Variants in C8A observed in about 807,000 individuals in gnomAD.
C8A encodes complement C8 alpha chain.
In C8A, 67 loss-of-function variants were observed where a neutral mutation model predicts 65.3. The ratio of observed to expected loss-of-function variants is 1.03; its 90% CI spans 0.84 to 1.26. The LOEUF (loss-of-function observed/expected upper bound fraction) is 1.26, where lower values mean the gene tolerates loss of function less well. Ranked by LOEUF, C8A falls within the 50% of genes most tolerant of loss-of-function variation. The pLI, the probability that C8A is intolerant of heterozygous loss-of-function variation, is 0.00. For synonymous variants in C8A, 290 were observed against 259.4 expected, an observed-to-expected ratio of 1.12 and a Z score of -1.13; for missense variants, 781 against 723.9, an observed-to-expected ratio of 1.08 and a Z score of -0.90.
chr1:56,891,856 A>C (rs12733495), intron 7 of C8A, among the ~76,000 whole-genome samples: 2 of 152,116 alleles, frequency 1.3e-5, no homozygotes, highest in African/African-American at 4.8e-5. Flanking sequence ...AGGGACTCTA[A>C]ATATACATAC....
At chr1:56,917,500 C>T in intron 10 of C8A, 65 bp from the exon 11 acceptor site, 1 of 1,570,398 alleles carries the variant, frequency 6.4e-7, no homozygotes, top group Non-Finnish European at 8.8e-7. Flanking sequence ...CTGTTCATCA[C>T]CAGACAGGCC....
At chr1:56,906,091 C>T (rs564643321) in intron 7 of C8A, among the ~76,000 whole-genome samples, 3 of 152,236 alleles carry the variant, frequency 2.0e-5, no homozygotes, top group African/African-American at 4.8e-5. Context: ...ACTTTGGCCT[C>T]TCTGGGGCGC....
At chr1:56,896,360 C>G (rs1252316740) in intron 7 of C8A, among the ~76,000 whole-genome samples, 1 of 152,142 alleles carries the variant, frequency 6.6e-6, no homozygotes, top group African/African-American at 2.4e-5. Flanking sequence ...TCTGAAGGCC[C>G]GAGAACCTGG....
At chr1:56,856,813 T>G (rs1468650040) in intron 1 of C8A, among the ~76,000 whole-genome samples, 1 of 152,040 alleles carries the variant, frequency 6.6e-6, no homozygotes, top group African/African-American at 2.4e-5. Context: ...CAAATTTATT[T>G]TATAAGTTCA....
chr1:56,909,019 T>G (rs981200030), intron 9 of C8A, among the ~76,000 whole-genome samples: 1 of 152,162 alleles, frequency 6.6e-6, no homozygotes, highest in African/African-American at 2.4e-5. Flanking sequence ...CTGCTAAACA[T>G]CCTTCCATGC....
chr1:56,886,186 C>T lies in C8A; in HGVS notation c.1096+19C>T. The T allele has an allele frequency of 1.2e-6, 2 of 1,613,400 alleles. No individual in the cohort carries two copies. Among genetic ancestry groups the T allele is most frequent in the Non-Finnish European group, 8.5e-7 (1 of 1,179,862 alleles). On this transcript the variant is annotated intron_variant, in intron 7 of 10. Coordinates refer to ENST00000361249, the MANE Select transcript of C8A (RefSeq NM_000562.3). ...TCCCTTGGTAAGTAAAGCAGAAGCT[C>T]TATGTACACAGTAGTCAACACAGAC... is the stretch of plus-strand genomic sequence containing the variant.
chr1:56,885,912 G>T lies in C8A; in HGVS notation c.856-15G>T. Reference sequence around the variant, plus strand: ...TCTTTGTTCTTTTGCTTTATTCAATGGCGGTTGCTGGCAGAAATTCATTTT... The same window carrying T: ...TCTTTGTTCTTTTGCTTTATTCAATTGCGGTTGCTGGCAGAAATTCATTTT... On this transcript the variant is annotated splice_polypyrimidine_tract_variant and intron_variant, in intron 6 of 10. Transcript: ENST00000361249. 1 of 1,613,738 alleles carries T rather than the reference G, an allele frequency of 6.2e-7. No homozygotes were observed. Among genetic ancestry groups the T allele is most frequent in the South Asian group, 1.1e-5 (1 of 91,022 alleles).
At chr1:56,882,309 A>G (rs1419995362) in intron 5 of C8A, among the ~76,000 whole-genome samples, 1 of 152,126 alleles carries the variant, frequency 6.6e-6, no homozygotes, top group Non-Finnish European at 1.5e-5. Context: ...ACATCATTGA[A>G]TGCTTAACAT....
chr1:56,915,745 C>T (rs1202746008), intron 10 of C8A, among the ~76,000 whole-genome samples: 2 of 152,128 alleles, frequency 1.3e-5, no homozygotes, highest in Non-Finnish European at 2.9e-5. Context: ...TCAAGGTCAC[C>T]TAGCTGGGGA....
intron 6 of C8A, 99 bp from the exon 7 acceptor site, chr1:56,885,828 G>A: frequency 6.5e-7 from 1 of 1,529,684 alleles, no homozygotes; most frequent in Non-Finnish European, 9.0e-7. Flanking sequence ...GGGATTACAG[G>A]CATGAGCCAC....
chr1:56,885,890 TTG>T, intron 6 of C8A, 35 bp from the exon 7 acceptor site: 1 of 1,613,326 alleles, frequency 6.2e-7, no homozygotes, highest in African/African-American at 1.3e-5. Flanking sequence ...TATGCTCTCT[TTG>T]TTCTTTTGCT....
At chr1:56,878,257 T>A (rs1021577877) in intron 4 of C8A, among the ~76,000 whole-genome samples, 1 of 152,150 alleles carries the variant, frequency 6.6e-6, no homozygotes, top group Non-Finnish European at 1.5e-5. Flanking sequence ...CGTCTCCAAA[T>A]ATACTCACAC....
chr1:56,870,664 T>A (rs1269973376), intron 2 of C8A, among the ~76,000 whole-genome samples: 2 of 152,208 alleles, frequency 1.3e-5, no homozygotes, highest in Non-Finnish European at 2.9e-5. Flanking sequence ...CAACCTGTTA[T>A]ATATCCTAAA....
intron 9 of C8A, among the ~76,000 whole-genome samples, chr1:56,910,399 C>A (rs1244178980): frequency 6.6e-6 from 1 of 152,194 alleles, no homozygotes; most frequent in East Asian, 1.9e-4. Flanking sequence ...TCCCAAGATC[C>A]CTCTTCTCCA....
chr1:56,891,363 G>A (rs1012640393), intron 7 of C8A, among the ~76,000 whole-genome samples: 6 of 152,112 alleles, frequency 3.9e-5, no homozygotes, highest in African/African-American at 9.7e-5. Context: ...GAAGCCAAGA[G>A]GTGTCAGAGG....
intron 10 of C8A, among the ~76,000 whole-genome samples, chr1:56,915,463 C>T (rs764181018): frequency 6.6e-6 from 1 of 152,188 alleles, no homozygotes; most frequent in Non-Finnish European, 1.5e-5. Flanking sequence ...TGGATTGATA[C>T]AGCCGAGCTC....
chr1:56,917,477 C>T, intron 10 of C8A, 88 bp from the exon 11 acceptor site: 2 of 1,411,436 alleles, frequency 1.4e-6, no homozygotes, highest in South Asian at 1.2e-5. Flanking sequence ...CCAAGGGTGC[C>T]ACACACCCCT....
intron 2 of C8A, among the ~76,000 whole-genome samples, chr1:56,871,071 C>T (rs911328186): frequency 1.3e-5 from 2 of 152,142 alleles, no homozygotes; most frequent in African/African-American, 2.4e-5. Flanking sequence ...TGGGAATGAA[C>T]CTTATGGCTT....
chr1:56,911,679 C>T (rs900461946), intron 9 of C8A, among the ~76,000 whole-genome samples: 2 of 152,168 alleles, frequency 1.3e-5, no homozygotes, highest in South Asian at 2.1e-4. Flanking sequence ...CAACTTGATA[C>T]GCAATAGTGC....
Sources: allele counts gnomAD v4.1 joint callset (sites outside exome capture counted in the v4.1 genomes callset), GRCh38; gene constraint gnomAD v4.1.1; transcripts MANE v1.5; gene names NCBI Gene and HGNC (gene_info 2026-07-23, HGNC 2026-07-21).